The following BRINP3 variants were observed in gnomAD, a reference collection of about 807,000 sequenced individuals.
The protein encoded by BRINP3 is BMP/retinoic acid inducible neural specific 3.
In BRINP3, 19 loss-of-function variants were observed where a neutral mutation model predicts 71.0. The ratio of observed to expected loss-of-function variants is 0.27; its 90% CI spans 0.19 to 0.39. BRINP3 has a LOEUF of 0.39. Among genes scored for constraint, BRINP3 ranks in the 10% least tolerant of loss-of-function variants. The pLI is 1.00. For missense variants in BRINP3, 959 were observed against 940.8 expected (o/e 1.02, Z -0.25); for synonymous variants, 380 against 337.7 (o/e 1.13, Z -1.37).
At chr1:190,434,309 C>A (rs1198376138) in intron 2 of BRINP3, among the ~76,000 whole-genome samples, 1 of 151,780 alleles carries the variant, frequency 6.6e-6, no homozygotes, top group Non-Finnish European at 1.5e-5. Context: ...AAGGTTTCAC[C>A]ATCTTGGCCA....
At chr1:190,222,078 C>T (rs183353405) in intron 6 of BRINP3, among the ~76,000 whole-genome samples, 1 of 152,110 alleles carries the variant, frequency 6.6e-6, no homozygotes, top group Admixed American at 6.6e-5. Context: ...CCCTAGATGA[C>T]ATTAACAAAA....
chr1:190,301,825 C>T (rs747912275), intron 2 of BRINP3, among the ~76,000 whole-genome samples: 6 of 151,786 alleles, frequency 4.0e-5, no homozygotes, highest in Non-Finnish European at 5.9e-5. Context: ...CATTATTTGA[C>T]AAAATTTATC....
intron 2 of BRINP3, among the ~76,000 whole-genome samples, chr1:190,377,168 C>T (rs1670238155): frequency 1.3e-5 from 2 of 151,874 alleles, no homozygotes; most frequent in South Asian, 4.1e-4. Flanking sequence ...GCCTAACCAC[C>T]CCTGTACATG....
intron 2 of BRINP3, among the ~76,000 whole-genome samples, chr1:190,357,892 A>T (rs1668842695): frequency 6.6e-6 from 1 of 152,032 alleles, no homozygotes; most frequent in South Asian, 2.1e-4. Context: ...CAAACCTGAC[A>T]AAAACAAGAA....
At chr1:190,382,611 T>C (rs1294294359) in intron 2 of BRINP3, among the ~76,000 whole-genome samples, 1 of 152,182 alleles carries the variant, frequency 6.6e-6, no homozygotes, top group African/African-American at 2.4e-5. Context: ...GCAAGGTACA[T>C]ATTTATTAAA....
At chr1:190,378,557 T>C (rs931377972) in intron 2 of BRINP3, among the ~76,000 whole-genome samples, 8 of 152,234 alleles carry the variant, frequency 5.3e-5, no homozygotes, top group Admixed American at 2.6e-4. Context: ...GAATAACATA[T>C]GTGTGTTGCT....
chr1:190,346,412 T>C (rs1468735176), intron 2 of BRINP3, among the ~76,000 whole-genome samples: 1 of 152,104 alleles, frequency 6.6e-6, no homozygotes, highest in Non-Finnish European at 1.5e-5. Context: ...TACACTTTTT[T>C]CTCTTTAAAT....
intron 1 of BRINP3, among the ~76,000 whole-genome samples, chr1:190,473,773 ATT>A (rs200647038): frequency 0.53 from 75,734 of 142,246 alleles, 20,437 homozygotes; most frequent in Non-Finnish European, 0.6. Flanking sequence ...ATAATTTTCT[ATT>A]TTTTTTTTTT....
intron 3 of BRINP3, among the ~76,000 whole-genome samples, chr1:190,276,350 A>G (rs1304029568): frequency 1.3e-5 from 2 of 151,698 alleles, no homozygotes; most frequent in African/African-American, 4.8e-5. Context: ...AGAAGGTGGC[A>G]TATGACAAAT....
chr1:190,347,629 A>C (rs1262952089), intron 2 of BRINP3, among the ~76,000 whole-genome samples: 1 of 152,152 alleles, frequency 6.6e-6, no homozygotes, highest in Non-Finnish European at 1.5e-5. Flanking sequence ...CAATTTTCCC[A>C]AAAATTCACA....
At chr1:190,347,803 C>A (rs968214160) in intron 2 of BRINP3, among the ~76,000 whole-genome samples, 1 of 152,002 alleles carries the variant, frequency 6.6e-6, no homozygotes, top group Non-Finnish European at 1.5e-5. Flanking sequence ...TGCTTTATTT[C>A]TTTTCTGTTA....
chr1:190,411,339 T>C (rs1214868630), intron 2 of BRINP3, among the ~76,000 whole-genome samples: 2 of 152,178 alleles, frequency 1.3e-5, no homozygotes, highest in East Asian at 3.9e-4. Flanking sequence ...GTAAAGCTTT[T>C]AGAAGATAAT....
At position 190,281,634 on chromosome 1, in the gene BRINP3, G is replaced by C. The variant is rs758959582; in HGVS notation, c.353C>G (p.Pro118Arg). ...FRNIRLLGRR[P>R]TLQQITENLI... ...GTTTTCTGTGATTTGCTGAAGGGTAGGTCGACGTCCCAAAAGTCTTATGTT... is the reference window on the plus strand; with the variant it reads ...GTTTTCTGTGATTTGCTGAAGGGTACGTCGACGTCCCAAAAGTCTTATGTT... The change falls in exon 3 of 8, where the codon CCT (proline) becomes CGT (arginine). Residue 118 changes from proline to arginine, a missense_variant. Pro to Arg is a moderately radical substitution (Grantham distance 103). Transcript: ENST00000367462. The C allele has an allele frequency of 1.2e-6, 2 of 1,612,874 alleles. No homozygotes were observed. Among genetic ancestry groups the C allele is most frequent in the African/African-American group, 1.3e-5 (1 of 74,788 alleles).
chr1:190,138,777 T>C (rs921722645), intron 7 of BRINP3, among the ~76,000 whole-genome samples: 1 of 152,140 alleles, frequency 6.6e-6, no homozygotes, highest in Non-Finnish European at 1.5e-5. Flanking sequence ...ATGTCCTTCT[T>C]TGTGTCCAGA....
At chr1:190,365,806 G>GTGTATATATA (rs913644308) in intron 2 of BRINP3, among the ~76,000 whole-genome samples, 4,712 of 127,592 alleles carry the variant, frequency 0.037, 154 homozygotes, top group East Asian at 0.085. Context: ...GAGAGCAAGT[G>GTGTATATATA]TATATATATA....
chr1:190,191,351 G>A (rs765605551), intron 6 of BRINP3, among the ~76,000 whole-genome samples: 1 of 151,866 alleles, frequency 6.6e-6, no homozygotes, highest in African/African-American at 2.4e-5. Context: ...ACAGGTATAC[G>A]TGTGCCATGG....
chr1:190,231,286 AC>A (rs1657964981), intron 5 of BRINP3, among the ~76,000 whole-genome samples: 1 of 151,796 alleles, frequency 6.6e-6, no homozygotes, highest in African/African-American at 2.4e-5. Flanking sequence ...ATAAACAGGA[AC>A]AAAAACAGTT....
intron 6 of BRINP3, among the ~76,000 whole-genome samples, chr1:190,200,780 A>G (rs1411743456): frequency 6.6e-6 from 1 of 152,104 alleles, no homozygotes; most frequent in African/African-American, 2.4e-5. Context: ...GTTATAAAAA[A>G]CAGGAGTATC....
At chr1:190,378,091 G>T (rs748865405) in intron 2 of BRINP3, among the ~76,000 whole-genome samples, 25 of 152,090 alleles carry the variant, frequency 1.6e-4, no homozygotes, top group Non-Finnish European at 3.2e-4. Context: ...AAACAAAGTT[G>T]GTGGTCTCAC....
Sources: gnomAD v4.1 joint callset for allele counts (sites outside exome capture counted in the v4.1 genomes callset) on GRCh38, gnomAD v4.1.1 for gene constraint, MANE v1.5 for transcripts, NCBI Gene and HGNC (gene_info 2026-07-23, HGNC 2026-07-21) for gene names.